Variants in FGF13 observed in about 807,000 individuals in gnomAD.
FGF13 encodes fibroblast growth factor 13.
A neutral mutation model predicts 19.5 loss-of-function variants in FGF13; 2 were observed. The ratio of observed to expected loss-of-function variants is 0.10; its 90% CI spans 0.04 to 0.32. The LOEUF (loss-of-function observed/expected upper bound fraction) is 0.32, where lower values mean the gene tolerates loss of function less well. Among genes scored for constraint, FGF13 ranks in the 10% least tolerant of loss-of-function variants. The probability of loss-of-function intolerance (pLI) is 1.00; values close to 1 mark genes in which losing one functional copy is unlikely to be tolerated. For synonymous variants in FGF13, 72 were observed against 76.9 expected (o/e 0.94, Z 0.33); for missense variants, 113 against 192.7 (o/e 0.59, Z 2.45).
intron 1 of FGF13, among the ~76,000 whole-genome samples, chrX:139,026,888 G>A (rs1603137889): frequency 1.8e-5 from 2 of 112,023 alleles, no homozygotes; most frequent in African/African-American, 6.5e-5. Context: ...AAAACCAGTG[G>A]CAGATGGACT....
At chrX:138,886,405 T>G (rs1415558318) in intron 1 of FGF13, among the ~76,000 whole-genome samples, 1 of 112,555 alleles carries the variant, frequency 8.9e-6, no homozygotes, top group African/African-American at 3.2e-5. Context: ...ACGGAGTCAG[T>G]CTTTTGAATC....
intron 1 of FGF13, among the ~76,000 whole-genome samples, chrX:138,873,912 C>A (rs1009967816): frequency 1.9e-5 from 2 of 102,835 alleles, no homozygotes; most frequent in East Asian, 3.1e-4. Flanking sequence ...GACAAAAAAC[C>A]AAACACCGCA....
intron 3 of FGF13, among the ~76,000 whole-genome samples, chrX:138,780,909 C>A (rs1322276449): frequency 1.8e-5 from 2 of 109,651 alleles, no homozygotes; most frequent in African/African-American, 6.7e-5. Context: ...TGACCACATA[C>A]TTGGAAGTAA....
chrX:138,778,746 G>A (rs1388852190), intron 3 of FGF13, among the ~76,000 whole-genome samples: 1 of 112,261 alleles, frequency 8.9e-6, no homozygotes, highest in Non-Finnish European at 1.9e-5. Flanking sequence ...GGGGAGGGGC[G>A]CCCGCCATTG....
chrX:139,098,078 A>G (rs1356017414), intron 1 of FGF13, among the ~76,000 whole-genome samples: 1 of 111,193 alleles, frequency 9.0e-6, no homozygotes, highest in African/African-American at 3.3e-5. Context: ...CACAAACAAA[A>G]AGTTTGGAGG....
At chrX:139,136,929 C>T (rs754088919) in intron 1 of FGF13, among the ~76,000 whole-genome samples, 12 of 111,858 alleles carry the variant, frequency 1.1e-4, no homozygotes, top group South Asian at 3.7e-4. Flanking sequence ...TCCTGAAAGA[C>T]GAATTCCCAG....
At chrX:138,994,239 T>C (rs1463593408) in intron 1 of FGF13, among the ~76,000 whole-genome samples, 8 of 111,504 alleles carry the variant, frequency 7.2e-5, no homozygotes, top group African/African-American at 2.3e-4. Flanking sequence ...GATAACCACC[T>C]ACTTGCTGTA....
chrX:138,943,575 G>A (rs1230426111), intron 1 of FGF13, among the ~76,000 whole-genome samples: 1 of 111,937 alleles, frequency 8.9e-6, no homozygotes, highest in Non-Finnish European at 1.9e-5. Flanking sequence ...ACTAAAATGT[G>A]CCCCACATGG....
Position 138,621,261 on chromosome X carries a change from G to A in FGF13, c.*11589C>T, listed in dbSNP as rs2089013602. The A allele has an allele frequency of 9.0e-6, 1 of 111,601 alleles. No homozygotes were observed. Among genetic ancestry groups the A allele is most frequent in the African/African-American group, 3.3e-5 (1 of 30,716 alleles). 9.2% of individuals were successfully genotyped at this position (111,601 alleles called of 1,213,427 possible). On this transcript the variant is annotated 3_prime_UTR_variant, in exon 5 of 5. Transcript: ENST00000315930. ...AAGTGTTAACAAAACTAAGAAGATT[G>A]AAATCATACCAAATATCTTTTCTGA...
chrX:138,847,557 C>T (rs1447015555), intron 3 of FGF13, among the ~76,000 whole-genome samples: 1 of 111,564 alleles, frequency 9.0e-6, no homozygotes, highest in African/African-American at 3.3e-5. Context: ...GGCTGTGAGG[C>T]AAGACAAGGG....
chrX:138,677,521 C>T (rs1453129278), intron 3 of FGF13, among the ~76,000 whole-genome samples: 5 of 111,143 alleles, frequency 4.5e-5, no homozygotes, highest in African/African-American at 9.8e-5. Context: ...GGGCAAAGGA[C>T]ATGAACAGAC....
chrX:138,782,715 T>C (rs1178381109), intron 3 of FGF13, among the ~76,000 whole-genome samples: 10 of 93,393 alleles, frequency 1.1e-4, no homozygotes, highest in Non-Finnish European at 2.1e-4. Flanking sequence ...GAAGAATCAA[T>C]ATCGTGAAAA....
At chrX:138,934,925 T>A (rs1603045768) in intron 1 of FGF13, among the ~76,000 whole-genome samples, 1 of 96,092 alleles carries the variant, frequency 1.0e-5, no homozygotes, top group African/African-American at 3.9e-5. Flanking sequence ...AAAAAAAAAA[T>A]ACTATGCATA....
chrX:138,940,718 T>G (rs1198148912), intron 1 of FGF13, among the ~76,000 whole-genome samples: 2 of 111,462 alleles, frequency 1.8e-5, no homozygotes, highest in Non-Finnish European at 3.8e-5. Flanking sequence ...TTTTGTTGGC[T>G]TTGTTGAAGA....
At chrX:138,688,985 T>C (rs1230832911) in intron 3 of FGF13, among the ~76,000 whole-genome samples, 1 of 111,441 alleles carries the variant, frequency 9.0e-6, no homozygotes, top group African/African-American at 3.3e-5. Flanking sequence ...ACTAAATAAC[T>C]GAATTTACTC....
chrX:138,827,240 G>C (rs757605930), intron 3 of FGF13, among the ~76,000 whole-genome samples: 1 of 112,013 alleles, frequency 8.9e-6, no homozygotes. Context: ...ATGCCCTTGC[G>C]TATTGAGGGA....
chrX:138,666,362 GA>G (rs1211496543), intron 3 of FGF13, among the ~76,000 whole-genome samples: 1 of 111,625 alleles, frequency 9.0e-6, no homozygotes, highest in Non-Finnish European at 1.9e-5. Context: ...AGCTAATGAG[GA>G]AATTCATGAG....
chrX:139,197,549 T>G (rs1002403409), intron 1 of FGF13, among the ~76,000 whole-genome samples: 1 of 111,901 alleles, frequency 8.9e-6, no homozygotes, highest in Non-Finnish European at 1.9e-5. Flanking sequence ...AATGCCCCAG[T>G]GTGGGGCACG....
chrX:138,672,621 T>C (rs1167168845), intron 3 of FGF13, among the ~76,000 whole-genome samples: 1 of 112,101 alleles, frequency 8.9e-6, no homozygotes, highest in Non-Finnish European at 1.9e-5. Context: ...TAATCAGGCA[T>C]CTACATGGAG....
Sources: allele counts gnomAD v4.1 joint callset (sites outside exome capture counted in the v4.1 genomes callset), GRCh38; gene constraint gnomAD v4.1.1; transcripts MANE v1.5; gene names NCBI Gene and HGNC (gene_info 2026-07-23, HGNC 2026-07-21).